Variants in SLC4A3 observed in about 807,000 individuals in gnomAD.
The protein encoded by SLC4A3 is solute carrier family 4 member 3, also known as anion exchange protein 3.
SLC4A3 carries 47 observed loss-of-function variants against 114.2 expected under a neutral mutation model. That is an observed-to-expected ratio of 0.41 (90% CI 0.33 to 0.52). SLC4A3 has a LOEUF of 0.52. Among genes scored for constraint, SLC4A3 ranks in the 20% least tolerant of loss-of-function variants. The probability of loss-of-function intolerance (pLI) is 0.21; values close to 1 mark genes in which losing one functional copy is unlikely to be tolerated. For synonymous variants in SLC4A3, 693 were observed against 710.3 expected, an observed-to-expected ratio of 0.98 and a Z score of 0.39; for missense variants, 1,312 against 1,668.3, an observed-to-expected ratio of 0.79 and a Z score of 3.72.
chr2:219,632,777 A>T, intron 8 of SLC4A3, 97 bp from the exon 9 acceptor site: 1 of 1,518,452 alleles, frequency 6.6e-7, no homozygotes, highest in Non-Finnish European at 9.0e-7. Context: ...TTGCCCTTCC[A>T]GCACATTCGC....
chr2:219,629,388 G>C lies in SLC4A3; in HGVS notation c.462G>C (p.Glu154Asp), dbSNP rs772571666. The change falls in exon 4 of 23, where the codon GAG (glutamate) becomes GAC (aspartate). Residue 154 changes from glutamate to aspartate, a missense_variant. By Grantham distance (45) the Glu-to-Asp change is conservative (BLOSUM62 2). Coordinates refer to ENST00000358055, the MANE Select transcript of SLC4A3 (RefSeq NM_005070.4). ...GAGAATCTGAGGCAGAACCTGTGGA[G>C]CCCCCCCACTCAGGGACCCCACAGA... is the stretch of plus-strand genomic sequence containing the variant. ...EEGESEAEPVEPPHSGTPQKA... is the reference protein window; with the variant it reads ...EEGESEAEPVDPPHSGTPQKA... The C allele has an allele frequency of 2.0e-6, 3 of 1,523,874 alleles. No individual in the cohort carries two copies. The African/African-American group carries it at 4.1e-5, about 21-fold the overall frequency. 94.4% of individuals were successfully genotyped at this position (1,523,874 alleles called of 1,614,324 possible). A position where few individuals can be genotyped will look rare whatever the true frequency, so the allele number is the denominator to read the frequency against.
Position 219,632,260 on chromosome 2 carries a change from A to C in SLC4A3, c.961-2A>C. On this transcript the variant is annotated splice_acceptor_variant, in intron 7 of 22. Coordinates refer to ENST00000358055, the MANE Select transcript of SLC4A3 (RefSeq NM_005070.4). LOFTEE classifies it high-confidence loss of function. ...GGCCCTCACCTTTGGCACGCCCCCC[A>C]GGTGTTCGTGGAGCTGAACGAGCTG... 1 of 1,613,496 alleles carries C rather than the reference A, an allele frequency of 6.2e-7. No individual in the cohort carries two copies. The highest frequency in any genetic ancestry group is 1.1e-5 in the South Asian group (1 of 91,036).
intron 20 of SLC4A3, among the ~76,000 whole-genome samples, chr2:219,640,076 C>A (rs1418163927): frequency 6.6e-6 from 1 of 152,170 alleles, no homozygotes; most frequent in African/African-American, 2.4e-5. Context: ...CTACAGGCGC[C>A]CGCCACCACG....
In SLC4A3 at chr2:219,641,808, C is replaced by A; in HGVS notation, c.*80C>A. The A allele has an allele frequency of 8.4e-7, 1 of 1,195,410 alleles. No homozygotes were observed. Among genetic ancestry groups the A allele is most frequent in the Admixed American group, 1.8e-5 (1 of 55,322 alleles). 74.1% of individuals were successfully genotyped at this position (1,195,410 alleles called of 1,614,324 possible). On this transcript the variant is annotated 3_prime_UTR_variant, in exon 23 of 23. Coordinates refer to ENST00000358055, the MANE Select transcript of SLC4A3 (RefSeq NM_005070.4). This position sits in a 1 kb window ranked among gnomAD's most constrained non-coding sequence, Gnocchi z 4.0. ...GCCTCAGGCAGAGCCCAGCCCTGGG[C>A]TGGGGGGCTCCTCAGGACCCAGAGA...
chr2:219,638,413 G>C lies in SLC4A3; in HGVS notation c.2856+160G>C, dbSNP rs1699205599. On this transcript the variant is annotated intron_variant, in intron 18 of 22. Coordinates refer to ENST00000358055, the MANE Select transcript of SLC4A3 (RefSeq NM_005070.4). The surrounding 1 kb of genome is among the most constrained non-coding windows in gnomAD (Gnocchi z 7.5). ...GCTGAGGGCCTTCCCCAGGGAGCCT[G>C]AGTGATGAATCCGGGAGAAGCAGGT... Among the ~76,000 whole-genome samples, 2 of 152,180 alleles carry C rather than the reference G, an allele frequency of 1.3e-5. No individual in the cohort carries two copies. The highest frequency in any genetic ancestry group is 2.9e-5 in the Non-Finnish European group (2 of 68,018).
At chr2:219,640,041 G>A (rs1211661159) in intron 20 of SLC4A3, among the ~76,000 whole-genome samples, 1 of 152,030 alleles carries the variant, frequency 6.6e-6, no homozygotes, top group African/African-American at 2.4e-5. Context: ...CCATTCTCCT[G>A]CCTCCGCCTC....
Position 219,639,781 on chromosome 2 carries a change from C to T in SLC4A3, c.3277+46C>T, listed in dbSNP as rs144871018. 1.4e-5 allele frequency: 23 copies of T among 1,588,518 alleles called. No individual in the cohort carries two copies. The highest frequency in any genetic ancestry group is 5.0e-5 in the Admixed American group (3 of 59,766). On this transcript the variant is annotated intron_variant, in intron 20 of 22. Transcript: ENST00000358055. The surrounding 1 kb of genome is among the most constrained non-coding windows in gnomAD (Gnocchi z 5.9). ...TGCACACCCCCTTCCTTGGGCCCCA[C>T]GGTCTTACATCTTCACTATCCCAGG...
rs779071092 is a variant in SLC4A3, at chr2:219,628,648, C to T, written c.217+78C>T. On this transcript the variant is annotated intron_variant, in intron 3 of 22. Transcript: ENST00000358055. This position sits in a 1 kb window ranked among gnomAD's most constrained non-coding sequence, Gnocchi z 4.8. The stretch of plus-strand genomic sequence containing the variant: ...TCGCCACCATCACCGCGCTCACCTC[C>T]GGCTTGGTCACCCAGTGCCATCCTG... 50 of 1,463,394 alleles carry T rather than the reference C, an allele frequency of 3.4e-5. No homozygotes were observed. The highest frequency in any genetic ancestry group is 4.2e-5 in the African/African-American group (3 of 71,264). The allele number at this position is 1,463,394 out of a possible 1,614,324, so 90.7% of individuals were successfully genotyped here.
Position 219,641,861 on chromosome 2 carries a change from G to A in SLC4A3, c.*133G>A. 1 of 683,710 alleles carries A rather than the reference G, an allele frequency of 1.5e-6. No homozygotes were observed. Among genetic ancestry groups the A allele is most frequent in the Non-Finnish European group, 2.5e-6 (1 of 394,590 alleles). 42.4% of individuals were successfully genotyped at this position (683,710 alleles called of 1,614,324 possible). On this transcript the variant is annotated 3_prime_UTR_variant, in exon 23 of 23. Transcript: ENST00000358055. The surrounding 1 kb of genome is among the most constrained non-coding windows in gnomAD (Gnocchi z 4.0). ...TGCCTGGAACCACTCCTGATGCCAT[G>A]GCTAGAGTGGCCCCCCTGACTTCTG...
rs201694646 is a variant in SLC4A3 at position 219,628,007 on chromosome 2, G to C, written c.15G>C (p.Val5=). MANG[V]IPPPGGASPL... is the part of the protein sequence containing the mutation. ...CCTACCTGGCCATGGCCAACGGAGT[G>C]ATCCCGCCGCCCGGGGGCGCCTCCC... The change falls in exon 2 of 23, where the codon GTG becomes GTC. Residue 5 remains valine, a synonymous_variant. Transcript: ENST00000358055. The surrounding 1 kb of genome is among the most constrained non-coding windows in gnomAD (Gnocchi z 4.8). 1.4e-3 allele frequency: 2,310 copies of C among 1,596,956 alleles called. 2 individuals are homozygous for C. The highest frequency in any genetic ancestry group is 1.8e-3 in the Non-Finnish European group (2,111 of 1,173,320).
In SLC4A3 at chr2:219,630,094, G is replaced by A. The variant is rs369694948; in HGVS notation, c.612-59G>A. On this transcript the variant is annotated intron_variant, in intron 5 of 22. Transcript: ENST00000358055. The surrounding 1 kb of genome is among the most constrained non-coding windows in gnomAD (Gnocchi z 6.9). Reference sequence around the variant, plus strand: ...CAGGCCGTGCTCTGAGCTGAGGGACGGTGATGGAACCACCGACCTGGCCCT... The same window carrying A: ...CAGGCCGTGCTCTGAGCTGAGGGACAGTGATGGAACCACCGACCTGGCCCT... 3.8e-6 allele frequency: 6 copies of A among 1,595,432 alleles called. No individual in the cohort carries two copies. The highest frequency in any genetic ancestry group is 2.3e-5 in the South Asian group (2 of 88,092).
intron 5 of SLC4A3, 176 bp from the exon 6 acceptor site, chr2:219,629,977 A>G: frequency 1.6e-6 from 2 of 1,251,920 alleles, no homozygotes; most frequent in Non-Finnish European, 2.2e-6. Context: ...AGAAAGGTGG[A>G]GGAAAGGGGG....
At position 219,632,918 on chromosome 2, in the gene SLC4A3, G is replaced by A; in HGVS notation, c.1186G>A (p.Ala396Thr). The A allele has an allele frequency of 3.1e-6, 5 of 1,614,146 alleles. No individual in the cohort carries two copies. The highest frequency in any genetic ancestry group is 4.2e-6 in the Non-Finnish European group (5 of 1,180,032). ...GGAGCAAACCACCCTGCCAGGCATTGCACACCTCGTGGTGGAGACCATGAT... is the reference window on the plus strand; with the variant it reads ...GGAGCAAACCACCCTGCCAGGCATTACACACCTCGTGGTGGAGACCATGAT... ...DLEQTTLPGI[A>T]HLVVETMIVS... The change falls in exon 9 of 23, where the codon GCA (alanine) becomes ACA (threonine). Residue 396 changes from alanine to threonine, a missense_variant. Around this residue, in one of 4 missense-constraint regions of SLC4A3, gnomAD observed 771 missense variants for 977.7 expected, o/e 0.79. Transcript: ENST00000358055.
chr2:219,627,943 G>T lies in SLC4A3; in HGVS notation c.-50G>T, dbSNP rs552845612. On this transcript the variant is annotated 5_prime_UTR_variant, in exon 2 of 23. Coordinates refer to ENST00000358055, the MANE Select transcript of SLC4A3 (RefSeq NM_005070.4). ...CTCAGTGGCCCCTCCTTCTCACCTG[G>T]GTCTCGGGTCCCCTAGTGAGCGAGA... is the stretch of plus-strand genomic sequence containing the variant. 38 of 1,552,954 alleles carry T rather than the reference G, an allele frequency of 2.4e-5. No homozygotes were observed. The Admixed American group carries it at 6.5e-4, about 27-fold the overall frequency.
At position 219,629,653 on chromosome 2, in the gene SLC4A3, C is replaced by G. The variant is rs773948874; in HGVS notation, c.569C>G (p.Ser190Trp). 1 of 1,613,194 alleles carries G rather than the reference C, an allele frequency of 6.2e-7. No individual in the cohort carries two copies. ...GCTGCTGTCACCAAGCCCCTGCCCT[C>G]GGTGGGCCCACACACTGACAAGAGC... Reference protein sequence around the residue: ...GRAAVTKPLPSVGPHTDKSPQ... With the variant: ...GRAAVTKPLPWVGPHTDKSPQ... Residue 190 changes from serine (S) to tryptophan (W), a missense_variant, in exon 5 of 23, where the codon TCG becomes TGG. Coordinates refer to ENST00000358055, the MANE Select transcript of SLC4A3 (RefSeq NM_005070.4).
chr2:219,634,614 G>C lies in SLC4A3; in HGVS notation c.1746+10G>C. The C allele has an allele frequency of 1.2e-6, 2 of 1,613,028 alleles. No homozygotes were observed. Among genetic ancestry groups the C allele is most frequent in the Non-Finnish European group, 1.7e-6 (2 of 1,179,456 alleles). On this transcript the variant is annotated intron_variant, in intron 12 of 22. Coordinates refer to ENST00000358055, the MANE Select transcript of SLC4A3 (RefSeq NM_005070.4). ...CCTTATGTCTGACAAGGTTGGGCGC[G>C]TGCTGGCTCTCAAGGCCTCTTCTCC...
chr2:219,634,285 T>C, intron 11 of SLC4A3, 135 bp from the exon 12 acceptor site: 1 of 824,266 alleles, frequency 1.2e-6, no homozygotes, highest in South Asian at 1.7e-5. Context: ...AAGCGAATAG[T>C]GCCCTTTTAG....
Position 219,632,796 on chromosome 2 carries a change from G to T in SLC4A3, c.1142-78G>T, listed in dbSNP as rs1190877523. 49 of 1,573,494 alleles carry T rather than the reference G, an allele frequency of 3.1e-5. No homozygotes were observed. The Admixed American group carries it at 4.9e-4, about 16-fold the overall frequency. The stretch of plus-strand genomic sequence containing the variant: ...CCTTCCAGCACATTCGCATGCTTTT[G>T]GGGGGCAAGGCAGAGTGGGAGGAGA... On this transcript the variant is annotated intron_variant, in intron 8 of 22. Transcript: ENST00000358055.
rs753981363 is a variant in SLC4A3, at chr2:219,632,352, G to C, written c.1051G>C (p.Val351Leu). 6.2e-7 allele frequency: 1 copy of C among 1,614,112 alleles called. No homozygotes were observed. Among genetic ancestry groups the C allele is most frequent in the Non-Finnish European group, 8.5e-7 (1 of 1,180,000 alleles). Residue 351 changes from valine to leucine, a missense_variant, in exon 8 of 23, where the codon GTG becomes CTG. This residue lies in a region of SLC4A3 where 771 missense variants were observed against 977.7 expected (regional missense o/e 0.79). Transcript: ENST00000358055. ...TARWIKFEED[V>L]EEETERWGKP... The stretch of plus-strand genomic sequence containing the variant: ...CCGCTGGATCAAGTTTGAGGAGGAC[G>C]TGGAGGAGGAGACGGAGCGCTGGGG...
Sources: allele counts gnomAD v4.1 joint callset (sites outside exome capture counted in the v4.1 genomes callset), GRCh38; gene constraint gnomAD v4.1.1; regional missense constraint gnomAD v4.1.1; non-coding constraint Gnocchi (gnomAD v3.1); transcripts MANE v1.5; gene names NCBI Gene and HGNC (gene_info 2026-07-23, HGNC 2026-07-21).